The following ADAMTS12 variants were observed in gnomAD, a reference collection of about 807,000 sequenced individuals.
The protein encoded by ADAMTS12 is ADAM metallopeptidase with thrombospondin type 1 motif 12.
ADAMTS12 carries 118 observed loss-of-function variants against 167.8 expected under a neutral mutation model. The observed-to-expected ratio is 0.70, with a 90% CI of 0.61 to 0.82. The LOEUF is 0.82. Ranked by LOEUF, ADAMTS12 falls within the 40% of genes least tolerant of loss-of-function variation. ADAMTS12 has a pLI of 0.00. For missense variants in ADAMTS12, 1,916 were observed against 1,998.8 expected (o/e 0.96, Z 0.79); for synonymous variants, 704 against 716.9 (o/e 0.98, Z 0.29).
intron 18 of ADAMTS12, among the ~76,000 whole-genome samples, chr5:33,587,882 A>G (rs1427159744): frequency 1.3e-5 from 2 of 152,212 alleles, no homozygotes; most frequent in Non-Finnish European, 2.9e-5. Context: ...TGAACTGCAC[A>G]TAGAGAAGCA....
At chr5:33,653,562 C>T (rs1255090036) in intron 7 of ADAMTS12, among the ~76,000 whole-genome samples, 1 of 152,008 alleles carries the variant, frequency 6.6e-6, no homozygotes, top group Non-Finnish European at 1.5e-5. Flanking sequence ...TTCTCATGCA[C>T]TTTATTTGGT....
At chr5:33,614,996 G>T (rs1738920188) in intron 15 of ADAMTS12, among the ~76,000 whole-genome samples, 1 of 152,154 alleles carries the variant, frequency 6.6e-6, no homozygotes, top group African/African-American at 2.4e-5. Context: ...GCTAACAATG[G>T]TCATGGACTT....
chr5:33,738,781 AGCCAAG>A (rs1744462976), intron 3 of ADAMTS12, among the ~76,000 whole-genome samples: 1 of 152,254 alleles, frequency 6.6e-6, no homozygotes, highest in African/African-American at 2.4e-5. Flanking sequence ...GGAGCTGAAG[AGCCAAG>A]GCCAGTGTTC....
At chr5:33,881,817 G>C (rs895354598) in intron 1 of ADAMTS12, among the ~76,000 whole-genome samples, 7 of 148,496 alleles carry the variant, frequency 4.7e-5, no homozygotes, top group Admixed American at 1.4e-4. Context: ...CAGGTGATCC[G>C]CCTGCCCTGC....
intron 3 of ADAMTS12, among the ~76,000 whole-genome samples, chr5:33,725,422 T>G (rs920176573): frequency 6.6e-6 from 1 of 152,152 alleles, no homozygotes; most frequent in Admixed American, 6.5e-5. Flanking sequence ...CCCAAAAAAG[T>G]GAGATTCTGC....
chr5:33,659,664 C>T (rs1433965778), intron 6 of ADAMTS12, among the ~76,000 whole-genome samples: 2 of 152,198 alleles, frequency 1.3e-5, no homozygotes, highest in African/African-American at 4.8e-5. Flanking sequence ...TCTACTTCCA[C>T]CATGCACTGG....
Position 33,576,407 on chromosome 5 carries a change from C to G in ADAMTS12, c.3619G>C (p.Glu1207Gln). Residue 1207 changes from glutamate to glutamine, a missense_variant, in exon 19 of 24, where the codon GAG becomes CAG. Glu to Gln is a conservative substitution (Grantham distance 29). Transcript: ENST00000504830. ...GTGCTGAAGGGTGGCCACCAGGACTCCCTGCTGAGATCTGGTGTTAGTGGA... is the reference window on the plus strand; with the variant it reads ...GTGCTGAAGGGTGGCCACCAGGACTGCCTGCTGAGATCTGGTGTTAGTGGA... ...APPLTPDLSRESWWPPFSTVM... is the reference protein window; with the variant it reads ...APPLTPDLSRQSWWPPFSTVM... The G allele has an allele frequency of 6.2e-7, 1 of 1,613,828 alleles. No homozygotes were observed. Among genetic ancestry groups the G allele is most frequent in the Non-Finnish European group, 8.5e-7 (1 of 1,179,858 alleles).
chr5:33,840,339 AG>A (rs1171179991), intron 2 of ADAMTS12: 1 of 152,208 alleles, frequency 6.6e-6, no homozygotes, highest in African/African-American at 2.4e-5. Context: ...CTGTTTAGGA[AG>A]GGTTTCCTAA....
chr5:33,550,039 C>T (rs554981370), intron 20 of ADAMTS12, among the ~76,000 whole-genome samples: 1 of 152,344 alleles, frequency 6.6e-6, no homozygotes, highest in Non-Finnish European at 1.5e-5. Flanking sequence ...GCAGCCATCA[C>T]TGAGAGTCTT....
At chr5:33,684,606 A>G (rs1355703120) in intron 3 of ADAMTS12, among the ~76,000 whole-genome samples, 3 of 152,260 alleles carry the variant, frequency 2.0e-5, no homozygotes, top group African/African-American at 4.8e-5. Context: ...TTTCCAACAG[A>G]GTAAACATGT....
At chr5:33,546,031 A>T in intron 22 of ADAMTS12, 28 bp downstream of exon 22, 2 of 1,574,972 alleles carry the variant, frequency 1.3e-6, no homozygotes, top group Non-Finnish European at 1.7e-6. Flanking sequence ...AAGCTAAAGT[A>T]AAAAAAGTAT....
chr5:33,581,818 C>A (rs1747078115), intron 18 of ADAMTS12, among the ~76,000 whole-genome samples: 1 of 152,098 alleles, frequency 6.6e-6, no homozygotes, highest in Non-Finnish European at 1.5e-5. Flanking sequence ...TTAGGGTGGG[C>A]CCTAATGGTA....
At chr5:33,659,233 G>T (rs1244434119) in intron 6 of ADAMTS12, among the ~76,000 whole-genome samples, 1 of 152,140 alleles carries the variant, frequency 6.6e-6, no homozygotes, top group Non-Finnish European at 1.5e-5. Flanking sequence ...GGTTGCAATG[G>T]CTGGGGTAAT....
chr5:33,745,914 C>T (rs537337507), intron 3 of ADAMTS12, among the ~76,000 whole-genome samples: 1 of 152,110 alleles, frequency 6.6e-6, no homozygotes, highest in African/African-American at 2.4e-5. Flanking sequence ...CAAATTTTCA[C>T]CAACAGTCTT....
At chr5:33,681,963 G>A (rs1261522481) in intron 5 of ADAMTS12, among the ~76,000 whole-genome samples, 1 of 152,186 alleles carries the variant, frequency 6.6e-6, no homozygotes, top group African/African-American at 2.4e-5. Context: ...TTTGTGCAGT[G>A]CAGCACTTCA....
rs566539187 is a variant in ADAMTS12 at position 33,889,465 on chromosome 5, G to A, written c.127+2265C>T. On this transcript the variant is annotated intron_variant, in intron 1 of 23. Transcript: ENST00000504830. ...AGGTCATTTGGAGGGAAAAACCCAG[G>A]CCATCCTAATCCCAGATAGCCTTAG... Among the ~76,000 whole-genome samples, 8 of 152,232 alleles carry A rather than the reference G, an allele frequency of 5.3e-5. No homozygotes were observed. In the South Asian group the frequency reaches 1.7e-3, roughly 32 times the overall value.
intron 7 of ADAMTS12, among the ~76,000 whole-genome samples, chr5:33,653,192 T>G (rs1008786928): frequency 6.6e-6 from 1 of 152,112 alleles, no homozygotes; most frequent in Non-Finnish European, 1.5e-5. Context: ...GTTGAGGAAA[T>G]TTCAGTTTCT....
intron 2 of ADAMTS12, among the ~76,000 whole-genome samples, chr5:33,875,013 A>G (rs1416187864): frequency 6.6e-6 from 1 of 152,218 alleles, no homozygotes; most frequent in African/African-American, 2.4e-5. Context: ...GGTTGCAGTG[A>G]GCTGAGATCA....
At chr5:33,857,891 T>C (rs1403998616) in intron 2 of ADAMTS12, among the ~76,000 whole-genome samples, 4 of 152,198 alleles carry the variant, frequency 2.6e-5, no homozygotes, top group South Asian at 2.1e-4. Context: ...AAAGGATGAA[T>C]AGACAAATTC....
Sources: gnomAD v4.1 joint callset for allele counts (sites outside exome capture counted in the v4.1 genomes callset) on GRCh38, gnomAD v4.1.1 for gene constraint, MANE v1.5 for transcripts, NCBI Gene and HGNC (gene_info 2026-07-23, HGNC 2026-07-21) for gene names.